The following RIC1 variants were observed in gnomAD, a reference collection of about 807,000 sequenced individuals.
RIC1 encodes the protein guanine nucleotide exchange factor subunit RIC1.
Under a neutral mutation model 169.0 loss-of-function variants are expected in RIC1, and 88 were observed. The ratio of observed to expected loss-of-function variants is 0.52; its 90% CI spans 0.44 to 0.62. RIC1 has a LOEUF of 0.62. Among genes scored for constraint, RIC1 ranks in the 20% least tolerant of loss-of-function variants. The probability of loss-of-function intolerance (pLI) is 0.00; values close to 1 mark genes in which losing one functional copy is unlikely to be tolerated. For missense variants in RIC1, 1,877 were observed against 1,725.5 expected (o/e 1.09, Z -1.56); for synonymous variants, 790 against 601.5 (o/e 1.31, Z -4.59).
rs1346353617 is a variant in RIC1, at chr9:5,765,558, A to G, written c.2986A>G (p.Thr996Ala). 6.2e-7 allele frequency: 1 copy of G among 1,614,102 alleles called. No individual in the cohort carries two copies. The change falls in exon 20 of 26, where the codon ACA becomes GCA. Residue 996 changes from threonine to alanine, a missense_variant. Physicochemically the swap from Thr to Ala is moderately conservative, Grantham distance 58 (BLOSUM62 0). Coordinates refer to ENST00000414202, the MANE Select transcript of RIC1 (RefSeq NM_020829.4). ...GSGESETPPS[T>A]PTAQEPSSSG... ...TGGAGAATCTGAGACACCTCCATCC[A>G]CACCCACAGCTCAGGTTAGTTGCAA...
chr9:5,647,936 G>GGGTGGTGATGGTGGTGGTGGTGGTGGT (rs1554658158), intron 1 of RIC1, among the ~76,000 whole-genome samples: 1 of 121,244 alleles, frequency 8.2e-6, no homozygotes, highest in African/African-American at 3.0e-5. Context: ...GTGTGGGGGT[G>GGGTGGTGATGGTGGTGGTGGTGGTGGT]GGTGGTGGTG....
At chr9:5,746,957 C>A (rs1439430538) in intron 11 of RIC1, among the ~76,000 whole-genome samples, 2 of 152,078 alleles carry the variant, frequency 1.3e-5, no homozygotes, top group Non-Finnish European at 1.5e-5. Context: ...AATTTAAAAG[C>A]ACCCTTGAGT....
At chr9:5,655,970 C>T (rs773400862) in intron 1 of RIC1, among the ~76,000 whole-genome samples, 39 of 151,908 alleles carry the variant, frequency 2.6e-4, no homozygotes, top group Non-Finnish European at 2.9e-4. Context: ...CCCAGGTTCA[C>T]GCTATTCTCC....
chr9:5,769,022 T>C lies in RIC1; in HGVS notation c.3190T>C (p.Trp1064Arg). Reference sequence around the variant, plus strand: ...GAACATGTATATTGACATGATGCTCTGGAGACATGCTCGGCGCCTCTTAGA... The same window carrying C: ...GAACATGTATATTGACATGATGCTCCGGAGACATGCTCGGCGCCTCTTAGA... ...AENMYIDMML[W>R]RHARRLLEDV... The change falls in exon 22 of 26, where the codon TGG becomes CGG. Residue 1064 changes from tryptophan to arginine, a missense_variant. Transcript: ENST00000414202. 1 of 1,614,058 alleles carries C rather than the reference T, an allele frequency of 6.2e-7. No homozygotes were observed. The highest frequency in any genetic ancestry group is 8.5e-7 in the Non-Finnish European group (1 of 1,179,940).
At chr9:5,714,732 G>T (rs879409785) in intron 4 of RIC1, among the ~76,000 whole-genome samples, 8 of 152,192 alleles carry the variant, frequency 5.3e-5, no homozygotes, top group Admixed American at 4.6e-4. Flanking sequence ...AAAGGGAGAT[G>T]AGGTATCTCC....
intron 3 of RIC1, among the ~76,000 whole-genome samples, chr9:5,703,072 A>G (rs761118532): frequency 1.7e-4 from 26 of 152,124 alleles, no homozygotes; most frequent in Non-Finnish European, 3.2e-4. Flanking sequence ...TTAAAATACA[A>G]TCATGCCTTC....
intron 12 of RIC1, among the ~76,000 whole-genome samples, chr9:5,752,053 C>T (rs556148490): frequency 2.9e-4 from 44 of 152,284 alleles, no homozygotes; most frequent in African/African-American, 1.0e-3. Flanking sequence ...AACATGTGCT[C>T]ATGAAAACTA....
At chr9:5,659,348 T>A (rs569331826) in intron 2 of RIC1, among the ~76,000 whole-genome samples, 1 of 152,270 alleles carries the variant, frequency 6.6e-6, no homozygotes, top group East Asian at 1.9e-4. Context: ...CCAATTTTAT[T>A]GTTGTATTTC....
At chr9:5,730,851 A>C (rs1587051202) in intron 6 of RIC1, among the ~76,000 whole-genome samples, 1 of 152,244 alleles carries the variant, frequency 6.6e-6, no homozygotes, top group Non-Finnish European at 1.5e-5. Flanking sequence ...TCAAAGCCCT[A>C]ATTATCTGAC....
intron 12 of RIC1, among the ~76,000 whole-genome samples, chr9:5,750,662 A>G (rs1300448544): frequency 2.0e-5 from 3 of 151,816 alleles, no homozygotes; most frequent in Non-Finnish European, 4.4e-5. Flanking sequence ...TTTAAGAGAA[A>G]CTGAAACATT....
chr9:5,658,584 T>G (rs548851745), intron 2 of RIC1, among the ~76,000 whole-genome samples: 1 of 152,106 alleles, frequency 6.6e-6, no homozygotes, highest in Non-Finnish European at 1.5e-5. Flanking sequence ...GAGAAAATAC[T>G]AATTCAGTAC....
chr9:5,747,335 G>A lies in RIC1; in HGVS notation c.1282G>A (p.Asp428Asn), dbSNP rs1180463218. The change falls in exon 12 of 26, where the codon GAT (aspartate) becomes AAT (asparagine). Residue 428 changes from aspartate to asparagine, a missense_variant. By Grantham distance (23) the Asp-to-Asn change is conservative (BLOSUM62 1). This residue lies in a region of RIC1 where 1,104 missense variants were observed against 992.0 expected (regional missense o/e 1.11). Transcript: ENST00000414202. Reference protein sequence around the residue: ...NQEQVLLQGEDRLYLNCGEAS... With the variant: ...NQEQVLLQGENRLYLNCGEAS... ...AGAGCAGGTGTTGCTTCAGGGTGAG[G>A]ATCGCTTGTACTTGAACTGTGGAGA... 1 of 1,614,036 alleles carries A rather than the reference G, an allele frequency of 6.2e-7. No homozygotes were observed. The highest frequency in any genetic ancestry group is 1.1e-5 in the South Asian group (1 of 91,074).
chr9:5,676,980 A>G (rs559460973), intron 2 of RIC1, among the ~76,000 whole-genome samples: 2 of 152,246 alleles, frequency 1.3e-5, no homozygotes, highest in Admixed American at 6.5e-5. Flanking sequence ...ACAAAACTAC[A>G]TGAACATTGA....
chr9:5,634,440 T>C (rs1281433852), intron 1 of RIC1, among the ~76,000 whole-genome samples: 1 of 152,230 alleles, frequency 6.6e-6, no homozygotes, highest in Non-Finnish European at 1.5e-5. Flanking sequence ...GTGTGAGGTA[T>C]CTTATGGTTT....
chr9:5,771,774 A>G (rs989410700), intron 23 of RIC1, among the ~76,000 whole-genome samples: 1 of 152,172 alleles, frequency 6.6e-6, no homozygotes, highest in Non-Finnish European at 1.5e-5. Flanking sequence ...AATATATTAA[A>G]AAGTACAGTT....
chr9:5,698,243 T>C (rs898776143), intron 3 of RIC1, among the ~76,000 whole-genome samples: 3 of 152,254 alleles, frequency 2.0e-5, no homozygotes, highest in Non-Finnish European at 2.9e-5. Context: ...CTTGACATGC[T>C]TTAAAAGCAG....
At chr9:5,729,075 T>C (rs1171324696) in intron 6 of RIC1, among the ~76,000 whole-genome samples, 1 of 152,074 alleles carries the variant, frequency 6.6e-6, no homozygotes, top group Non-Finnish European at 1.5e-5. Flanking sequence ...AGTCCTGCAG[T>C]CCTTTCTAGA....
chr9:5,705,734 A>G (rs922495023), intron 3 of RIC1, among the ~76,000 whole-genome samples: 2 of 152,230 alleles, frequency 1.3e-5, no homozygotes, highest in African/African-American at 4.8e-5. Flanking sequence ...ACTTTCAGTC[A>G]GTAAACAGTC....
chr9:5,686,176 G>A (rs1238394493), intron 2 of RIC1, among the ~76,000 whole-genome samples: 2 of 151,438 alleles, frequency 1.3e-5, no homozygotes, highest in South Asian at 2.1e-4. Flanking sequence ...TACACTGTTG[G>A]TGGGACTGTA....
Sources: allele counts gnomAD v4.1 joint callset (sites outside exome capture counted in the v4.1 genomes callset), GRCh38; gene constraint gnomAD v4.1.1; regional missense constraint gnomAD v4.1.1; transcripts MANE v1.5; gene names NCBI Gene and HGNC (gene_info 2026-07-23, HGNC 2026-07-21).